The following CHST12 variants were observed in gnomAD, a reference collection of about 807,000 sequenced individuals.
CHST12 encodes the protein carbohydrate sulfotransferase 12, also known as carbohydrate (chondroitin 4) sulfotransferase 12.
In CHST12, 23 loss-of-function variants were observed where a neutral mutation model predicts 27.9. The ratio of observed to expected loss-of-function variants is 0.82; its 90% CI spans 0.59 to 1.17. CHST12 has a LOEUF of 1.17. CHST12 is among the 50% of genes most tolerant of loss of function. CHST12 has a pLI of 0.00. For synonymous variants in CHST12, 322 were observed against 273.0 expected, an observed-to-expected ratio of 1.18 and a Z score of -1.77; for missense variants, 682 against 603.0, an observed-to-expected ratio of 1.13 and a Z score of -1.37.
intron 1 of CHST12, among the ~76,000 whole-genome samples, chr7:2,419,140 G>A (rs1781893691): frequency 1.3e-5 from 2 of 152,310 alleles, no homozygotes; most frequent in East Asian, 1.9e-4. Flanking sequence ...TGGGCGTGGT[G>A]GCTCATGCCT....
At position 2,437,242 on chromosome 7, in the gene CHST12, A is replaced by C. The variant is rs1329207794; in HGVS notation, c.*3358A>C. On this transcript the variant is annotated 3_prime_UTR_variant, in exon 2 of 2. Coordinates refer to ENST00000618655, the MANE Select transcript of CHST12 (RefSeq NM_018641.5). Reference sequence around the variant, plus strand: ...ACTTGGTTGGGTGCGGGGTGGTGTCACAAAGCCCTGTCTCTTGTGTGATGG... The same window carrying C: ...ACTTGGTTGGGTGCGGGGTGGTGTCCCAAAGCCCTGTCTCTTGTGTGATGG... The C allele has an allele frequency of 6.6e-6, 1 of 152,278 alleles. No individual in the cohort carries two copies. The highest frequency in any genetic ancestry group is 1.5e-5 in the Non-Finnish European group (1 of 68,082). The allele number at this position is 152,278 out of a possible 1,614,324, so 9.4% of individuals were successfully genotyped here.
Position 2,442,236 on chromosome 7 carries a change from G to C in CHST12, c.*8352G>C, listed in dbSNP as rs186560323. 1 of 152,320 alleles carries C rather than the reference G, an allele frequency of 6.6e-6. No homozygotes were observed. Among genetic ancestry groups the C allele is most frequent in the Non-Finnish European group, 1.5e-5 (1 of 68,038 alleles). 9.4% of individuals were successfully genotyped at this position (152,320 alleles called of 1,614,324 possible). A position where few individuals can be genotyped will look rare whatever the true frequency, so the allele number is the denominator to read the frequency against. Reference sequence around the variant, plus strand: ...ATCACCTTCCTTTTAAAGGTTGAACGATATCCCGTTGTATGGACAGACCAC... The same window carrying C: ...ATCACCTTCCTTTTAAAGGTTGAACCATATCCCGTTGTATGGACAGACCAC... On this transcript the variant is annotated 3_prime_UTR_variant, in exon 2 of 2. Transcript: ENST00000618655.
rs1226533003 is a variant in CHST12 at position 2,444,826 on chromosome 7, C to T, written c.*10942C>T. 1 of 152,206 alleles carries T rather than the reference C, an allele frequency of 6.6e-6. No homozygotes were observed. Among genetic ancestry groups the T allele is most frequent in the Non-Finnish European group, 1.5e-5 (1 of 68,048 alleles). The allele number at this position is 152,206 out of a possible 1,614,324, so 9.4% of individuals were successfully genotyped here. A position where few individuals can be genotyped will look rare whatever the true frequency, so the allele number is the denominator to read the frequency against. The stretch of plus-strand genomic sequence containing the variant: ...TCACAGAGCAAGGAAGTTCTGTGAG[C>T]CTCATTCAATCATCTGAGGTTCTTC... On this transcript the variant is annotated 3_prime_UTR_variant, in exon 2 of 2. Transcript: ENST00000618655.
chr7:2,431,521 C>T (rs543885132), intron 1 of CHST12, among the ~76,000 whole-genome samples: 1 of 152,326 alleles, frequency 6.6e-6, no homozygotes, highest in South Asian at 2.1e-4. Context: ...TCCTGCCTCA[C>T]ACCATCTCCT....
rs901353863 is a variant in CHST12, at chr7:2,444,835, A to G, written c.*10951A>G. 7.9e-5 allele frequency: 12 copies of G among 152,278 alleles called. No individual in the cohort carries two copies. The highest frequency in any genetic ancestry group is 7.8e-4 in the Admixed American group (12 of 15,292). The allele number at this position is 152,278 out of a possible 1,614,324, so 9.4% of individuals were successfully genotyped here. The stretch of plus-strand genomic sequence containing the variant: ...AAGGAAGTTCTGTGAGCCTCATTCA[A>G]TCATCTGAGGTTCTTCCCAGGAAAA... On this transcript the variant is annotated 3_prime_UTR_variant, in exon 2 of 2. Coordinates refer to ENST00000618655, the MANE Select transcript of CHST12 (RefSeq NM_018641.5).
At chr7:2,423,003 C>T (rs553710284) in intron 1 of CHST12, among the ~76,000 whole-genome samples, 1 of 151,958 alleles carries the variant, frequency 6.6e-6, no homozygotes, top group East Asian at 1.9e-4. Context: ...AAATAGGCTG[C>T]AGTGGCTCAC....
rs367725288 is a variant in CHST12 at position 2,424,327 on chromosome 7, C to T, written c.-77-8236C>T. Among the ~76,000 whole-genome samples, 9 of 152,010 alleles carry T rather than the reference C, an allele frequency of 5.9e-5. No individual in the cohort carries two copies. In the East Asian group the frequency reaches 1.5e-3, roughly 26 times the overall value. ...CTAGTCTGGGCAACAGGGTGAGACCCTGACTCTAAAGAATATAAAGAAAGA... is the reference window on the plus strand; with the variant it reads ...CTAGTCTGGGCAACAGGGTGAGACCTTGACTCTAAAGAATATAAAGAAAGA... On this transcript the variant is annotated intron_variant, in intron 1 of 1. Transcript: ENST00000618655.
Position 2,447,589 on chromosome 7 carries a change from C to G in CHST12, c.*13705C>G, listed in dbSNP as rs1782786404. On this transcript the variant is annotated 3_prime_UTR_variant, in exon 2 of 2. Transcript: ENST00000618655. ...CCAGGTTCAAGCGATTTTCATGCCT[C>G]AGCTTCCCGAGTAGCTGGGATTACA... The G allele has an allele frequency of 6.6e-6, 1 of 152,170 alleles. No individual in the cohort carries two copies. The highest frequency in any genetic ancestry group is 1.5e-5 in the Non-Finnish European group (1 of 68,184). 9.4% of individuals were successfully genotyped at this position (152,170 alleles called of 1,614,324 possible).
rs940784681 is a variant in CHST12, at chr7:2,445,668, G to A, written c.*11784G>A. On this transcript the variant is annotated 3_prime_UTR_variant, in exon 2 of 2. Transcript: ENST00000618655. ...GCCGGTCTCGAACTCCTGACCTCGT[G>A]ATCTGCCCACGTTGGCCTCCAAAGT... The A allele has an allele frequency of 1.3e-5, 2 of 152,222 alleles. No individual in the cohort carries two copies. The highest frequency in any genetic ancestry group is 2.4e-5 in the African/African-American group (1 of 41,426). The allele number at this position is 152,222 out of a possible 1,614,324, so 9.4% of individuals were successfully genotyped here. A position where few individuals can be genotyped will look rare whatever the true frequency, so the allele number is the denominator to read the frequency against.
chr7:2,419,283 C>T (rs753866763), intron 1 of CHST12, among the ~76,000 whole-genome samples: 1 of 151,694 alleles, frequency 6.6e-6, no homozygotes, highest in Non-Finnish European at 1.5e-5. Context: ...GTGGTGCACA[C>T]CTGTAACCCA....
chr7:2,406,701 C>T (rs1781535513), intron 1 of CHST12, among the ~76,000 whole-genome samples: 1 of 152,082 alleles, frequency 6.6e-6, no homozygotes, highest in South Asian at 2.1e-4. Flanking sequence ...CAGGAGGTCC[C>T]CAGTCAGCAG....
intron 1 of CHST12, among the ~76,000 whole-genome samples, chr7:2,431,461 C>A (rs764858776): frequency 6.6e-6 from 1 of 152,218 alleles, no homozygotes; most frequent in African/African-American, 2.4e-5. Context: ...GAGTTCAGCT[C>A]CTACTGGGCC....
intron 1 of CHST12, among the ~76,000 whole-genome samples, chr7:2,419,844 C>T (rs1161434785): frequency 6.6e-6 from 1 of 152,084 alleles, no homozygotes; most frequent in Admixed American, 6.6e-5. Context: ...AACTAAAGCT[C>T]TGTCCCCATT....
intron 1 of CHST12, among the ~76,000 whole-genome samples, chr7:2,405,192 C>T (rs904735928): frequency 6.6e-6 from 1 of 152,132 alleles, no homozygotes; most frequent in Non-Finnish European, 1.5e-5. Flanking sequence ...TGACTGTAAT[C>T]CCAGCACTTT....
intron 1 of CHST12, among the ~76,000 whole-genome samples, chr7:2,417,036 A>G (rs75252863): frequency 0.012 from 1,803 of 152,046 alleles, 33 homozygotes; most frequent in African/African-American, 0.041. Context: ...CTGAGATTTT[A>G]TTTTTCTTTT....
At position 2,433,574 on chromosome 7, in the gene CHST12, C is replaced by T. The variant is rs1016143015; in HGVS notation, c.935C>T (p.Thr312Met). 10 of 1,613,466 alleles carry T rather than the reference C, an allele frequency of 6.2e-6. No individual in the cohort carries two copies. The highest frequency in any genetic ancestry group is 8.5e-6 in the Non-Finnish European group (10 of 1,180,000). ...ATCCAGTACCTGCTGGACCCGCACA[C>T]GGAGAAGCTGGCGCCCTTCAACGAG... ...NFIQYLLDPHTEKLAPFNEHW... is the reference protein window; with the variant it reads ...NFIQYLLDPHMEKLAPFNEHW... The change falls in exon 2 of 2, where the codon ACG (threonine) becomes ATG (methionine). Residue 312 changes from threonine to methionine, a missense_variant. Physicochemically the swap from Thr to Met is moderately conservative, Grantham distance 81. Coordinates refer to ENST00000618655, the MANE Select transcript of CHST12 (RefSeq NM_018641.5). The surrounding 1 kb of genome is among the most constrained non-coding windows in gnomAD (Gnocchi z 6.1).
chr7:2,417,815 G>T (rs1480413617), intron 1 of CHST12, among the ~76,000 whole-genome samples: 1 of 152,226 alleles, frequency 6.6e-6, no homozygotes, highest in Non-Finnish European at 1.5e-5. Context: ...CATGCTCACA[G>T]ACGCAGTCAG....
At chr7:2,427,345 T>C (rs1333938331) in intron 1 of CHST12, among the ~76,000 whole-genome samples, 3 of 152,008 alleles carry the variant, frequency 2.0e-5, no homozygotes, top group Non-Finnish European at 2.9e-5. Flanking sequence ...TAAAAAATTT[T>C]TAAAAATTAG....
intron 1 of CHST12, among the ~76,000 whole-genome samples, chr7:2,416,791 G>T (rs1389385822): frequency 6.6e-6 from 1 of 152,228 alleles, no homozygotes; most frequent in Admixed American, 6.5e-5. Flanking sequence ...AATGAGGCCA[G>T]TGGTCACATT....
Sources: allele counts gnomAD v4.1 joint callset (sites outside exome capture counted in the v4.1 genomes callset), GRCh38; gene constraint gnomAD v4.1.1; non-coding constraint Gnocchi (gnomAD v3.1); transcripts MANE v1.5; gene names NCBI Gene and HGNC (gene_info 2026-07-23, HGNC 2026-07-21).